FBXW7: variants seen among roughly 807,000 people sequenced by gnomAD.
The protein encoded by FBXW7 is F-box and WD repeat domain containing 7.
Under a neutral mutation model 86.3 loss-of-function variants are expected in FBXW7, and 11 were observed. That is an observed-to-expected ratio of 0.13 (90% confidence interval 0.08 to 0.21). The LOEUF is 0.21. Ranked by LOEUF, FBXW7 falls within the 10% of genes least tolerant of loss-of-function variation. FBXW7 has a pLI of 1.00. For missense variants in FBXW7, 488 were observed against 847.4 expected (o/e 0.58, Z 5.27); for synonymous variants, 313 against 297.9 (o/e 1.05, Z -0.52).
intron 2 of FBXW7, among the ~76,000 whole-genome samples, chr4:152,484,961 C>A (rs867344362): frequency 0.039 from 3,979 of 100,836 alleles, no homozygotes; most frequent in Middle Eastern, 0.05. Flanking sequence ...GACTCTGTCT[C>A]AAAAAAAAAA....
intron 2 of FBXW7, among the ~76,000 whole-genome samples, chr4:152,459,346 G>A (rs1170167731): frequency 2.6e-5 from 4 of 152,120 alleles, no homozygotes; most frequent in Non-Finnish European, 5.9e-5. Flanking sequence ...CTTCCACCTA[G>A]TAAACCAGAT....
chr4:152,413,345 A>C (rs944299501), intron 2 of FBXW7, among the ~76,000 whole-genome samples: 17 of 152,120 alleles, frequency 1.1e-4, no homozygotes, highest in Non-Finnish European at 1.9e-4. Context: ...GATGGCTAAC[A>C]AACAACATTA....
rs975954675 is a variant in FBXW7 at position 152,535,272 on chromosome 4, G to C, written c.-358C>G. 6.7e-5 allele frequency: 18 copies of C among 268,286 alleles called. No homozygotes were observed. The highest frequency in any genetic ancestry group is 9.8e-5 in the Non-Finnish European group (14 of 143,022). The allele number at this position is 268,286 out of a possible 1,614,324, so 16.6% of individuals were successfully genotyped here. The stretch of plus-strand genomic sequence containing the variant: ...GTGGAGGCTGCGGCCGGCCCCCCGG[G>C]TCCCCCCCGGCCCCGCCGCCCTCGG... On this transcript the variant is annotated 5_prime_UTR_variant, in exon 1 of 14. Transcript: ENST00000281708.
intron 2 of FBXW7, among the ~76,000 whole-genome samples, chr4:152,460,729 T>C (rs1742862483): frequency 6.6e-6 from 1 of 152,206 alleles, no homozygotes; most frequent in Admixed American, 6.5e-5. Context: ...TGTGCTAACA[T>C]CTGTTTTTTT....
At chr4:152,492,905 TA>T (rs1454792680) in intron 2 of FBXW7, among the ~76,000 whole-genome samples, 2 of 151,926 alleles carry the variant, frequency 1.3e-5, no homozygotes, top group African/African-American at 4.8e-5. Context: ...ATGGCATTAT[TA>T]AATAGGTCTG....
At chr4:152,447,829 G>A (rs1411134528) in intron 2 of FBXW7, among the ~76,000 whole-genome samples, 2 of 152,136 alleles carry the variant, frequency 1.3e-5, no homozygotes, top group African/African-American at 4.8e-5. Context: ...GCTAGAGTCT[G>A]AAGCTAATGA....
chr4:152,390,347 G>T (rs1735895341), intron 4 of FBXW7, among the ~76,000 whole-genome samples: 1 of 151,978 alleles, frequency 6.6e-6, no homozygotes, highest in Non-Finnish European at 1.5e-5. Context: ...GAAATGCCCA[G>T]TATGAAGTCT....
At chr4:152,394,273 C>T (rs1478396074) in intron 4 of FBXW7, among the ~76,000 whole-genome samples, 1 of 152,036 alleles carries the variant, frequency 6.6e-6, no homozygotes, top group Non-Finnish European at 1.5e-5. Context: ...TGCATTTATT[C>T]CAGTTTCAGC....
At chr4:152,378,223 C>T (rs1290320694) in intron 4 of FBXW7, among the ~76,000 whole-genome samples, 1 of 152,146 alleles carries the variant, frequency 6.6e-6, no homozygotes, top group Non-Finnish European at 1.5e-5. Flanking sequence ...CACAAATATT[C>T]TACTTTTATT....
At position 152,535,734 on chromosome 4, in the gene FBXW7, A is replaced by T; in HGVS notation, c.-820T>A. ...GAGGCAGAAGCTCTGGCGCCTCCTC[A>T]GCGTTCTCTCACCGCGGAGCAGCTA... On this transcript the variant is annotated 5_prime_UTR_variant, in exon 1 of 14. Coordinates refer to ENST00000281708, the MANE Select transcript of FBXW7 (RefSeq NM_001349798.2). 2.5e-6 allele frequency: 1 copy of T among 394,578 alleles called. No individual in the cohort carries two copies. The highest frequency in any genetic ancestry group is 4.5e-6 in the Non-Finnish European group (1 of 223,378). 24.4% of individuals were successfully genotyped at this position (394,578 alleles called of 1,614,324 possible).
At chr4:152,323,194 G>A (rs747710182) in intron 13 of FBXW7, 45 bp from the exon 14 acceptor site, 8 of 1,580,116 alleles carry the variant, frequency 5.1e-6, no homozygotes, top group Non-Finnish European at 5.2e-6. Flanking sequence ...AGAAATAATG[G>A]CTATGAGTTA....
At chr4:152,498,565 A>G (rs1746599439) in intron 2 of FBXW7, among the ~76,000 whole-genome samples, 2 of 152,228 alleles carry the variant, frequency 1.3e-5, no homozygotes, top group South Asian at 4.1e-4. Context: ...TGGACAATGC[A>G]AGCGATATAA....
At chr4:152,454,044 T>C (rs1177254003) in intron 2 of FBXW7, among the ~76,000 whole-genome samples, 1 of 152,146 alleles carries the variant, frequency 6.6e-6, no homozygotes, top group Non-Finnish European at 1.5e-5. Flanking sequence ...GGCCACTGCC[T>C]TTCATACTCA....
At chr4:152,341,194 C>T (rs1346429111) in intron 6 of FBXW7, among the ~76,000 whole-genome samples, 3 of 152,222 alleles carry the variant, frequency 2.0e-5, no homozygotes, top group African/African-American at 7.2e-5. Context: ...TAATGGCTTT[C>T]CATTTCACCC....
chr4:152,431,565 C>T (rs1439039019), intron 2 of FBXW7, among the ~76,000 whole-genome samples: 1 of 152,164 alleles, frequency 6.6e-6, no homozygotes, highest in Non-Finnish European at 1.5e-5. Context: ...ACATGAATGA[C>T]TACATTTTAG....
At chr4:152,346,177 C>A (rs1344868880) in intron 6 of FBXW7, among the ~76,000 whole-genome samples, 2 of 152,034 alleles carry the variant, frequency 1.3e-5, no homozygotes, top group Non-Finnish European at 2.9e-5. Flanking sequence ...TTGGTTGTAA[C>A]CAATCTTCCC....
At chr4:152,449,147 A>G (rs1412631681) in intron 2 of FBXW7, among the ~76,000 whole-genome samples, 4 of 152,194 alleles carry the variant, frequency 2.6e-5, no homozygotes, top group African/African-American at 9.7e-5. Context: ...TAACTTACCA[A>G]TCAGAACTGC....
rs563509783 is a variant in FBXW7 at position 152,329,335 on chromosome 4, G to A, written c.1236+337C>T. Among the ~76,000 whole-genome samples the A allele has an allele frequency of 5.9e-5, 9 of 151,880 alleles. No individual in the cohort carries two copies. The South Asian group carries it at 1.9e-3, about 31-fold the overall frequency. On this transcript the variant is annotated intron_variant, in intron 10 of 13. Transcript: ENST00000281708. ...CCATACTTTTGAAAAACATTACAAAGTAATGAGGTATAACTTAGATAGTAA... is the reference window on the plus strand; with the variant it reads ...CCATACTTTTGAAAAACATTACAAAATAATGAGGTATAACTTAGATAGTAA...
chr4:152,438,895 A>C (rs1029528658), intron 2 of FBXW7, among the ~76,000 whole-genome samples: 1 of 152,200 alleles, frequency 6.6e-6, no homozygotes, highest in Non-Finnish European at 1.5e-5. Context: ...GGACAACTAC[A>C]GACAACAGTC....
Sources: allele counts gnomAD v4.1 joint callset (sites outside exome capture counted in the v4.1 genomes callset), GRCh38; gene constraint gnomAD v4.1.1; transcripts MANE v1.5; gene names NCBI Gene and HGNC (gene_info 2026-07-23, HGNC 2026-07-21).